Variants in IL1RAPL1 observed in about 807,000 individuals in gnomAD.
IL1RAPL1 encodes the protein interleukin-1 receptor accessory protein-like 1.
In IL1RAPL1, 3 loss-of-function variants were observed where a neutral mutation model predicts 48.4. The ratio of observed to expected loss-of-function variants is 0.06; its 90% CI spans 0.03 to 0.16. IL1RAPL1 has a LOEUF of 0.16. Among genes scored for constraint, IL1RAPL1 ranks in the 10% least tolerant of loss-of-function variants. The pLI, the probability that IL1RAPL1 is intolerant of heterozygous loss-of-function variation, is 1.00. For missense variants in IL1RAPL1, 349 were observed against 530.6 expected, an observed-to-expected ratio of 0.66 and a Z score of 3.36; for synonymous variants, 185 against 187.7, an observed-to-expected ratio of 0.99 and a Z score of 0.12.
chrX:28,594,237 G>A (rs1933931300), intron 1 of IL1RAPL1, among the ~76,000 whole-genome samples: 1 of 111,257 alleles, frequency 9.0e-6, no homozygotes, highest in South Asian at 3.8e-4. Context: ...GGTGGTTTGT[G>A]GATCAAAGGA....
At chrX:29,371,283 C>T (rs1933541889) in intron 3 of IL1RAPL1, among the ~76,000 whole-genome samples, 2 of 109,132 alleles carry the variant, frequency 1.8e-5, no homozygotes, top group Admixed American at 2.0e-4. Context: ...AGGCACCTGA[C>T]ACTATGCCCG....
chrX:28,820,864 C>A (rs1936929715), intron 2 of IL1RAPL1, among the ~76,000 whole-genome samples: 1 of 110,923 alleles, frequency 9.0e-6, no homozygotes, highest in Admixed American at 9.6e-5. Context: ...TTTCTCTCAA[C>A]CCCCAAGGAA....
chrX:29,002,676 A>G (rs1166178515), intron 2 of IL1RAPL1, among the ~76,000 whole-genome samples: 7 of 111,849 alleles, frequency 6.3e-5, no homozygotes, highest in Admixed American at 9.5e-5. Flanking sequence ...AATTCTGCCA[A>G]TGGTAGGATA....
chrX:29,914,543 TA>T (rs1932782765), intron 6 of IL1RAPL1, among the ~76,000 whole-genome samples: 1 of 111,712 alleles, frequency 9.0e-6, no homozygotes, highest in Non-Finnish European at 1.9e-5. Context: ...TAAAAGACAG[TA>T]TAAATTATTA....
In IL1RAPL1 at chrX:28,853,481, G is replaced by GCA. The variant is rs1569186201; in HGVS notation, c.82+64056_82+64057insCA. Among the ~76,000 whole-genome samples, 5 of 32,774 alleles carry GCA rather than the reference G, an allele frequency of 1.5e-4. No individual in the cohort carries two copies. In the African/African-American group the frequency reaches 2.0e-3, roughly 13 times the overall value. The allele number at this position is 32,774 out of a possible 115,157, so 28.5% of individuals were successfully genotyped here. ...CCCCATTGCAATCCCCTCAGTGCAT[G>GCA]TGTGTGCGCGCGCACACACACACAC... On this transcript the variant is annotated intron_variant, in intron 2 of 10. Transcript: ENST00000378993.
At chrX:28,806,148 A>G (rs1363145189) in intron 2 of IL1RAPL1, among the ~76,000 whole-genome samples, 1 of 112,094 alleles carries the variant, frequency 8.9e-6, no homozygotes, top group Non-Finnish European at 1.9e-5. Context: ...TTTAACTTAC[A>G]TGAAATGAAT....
intron 6 of IL1RAPL1, among the ~76,000 whole-genome samples, chrX:29,790,118 A>G: frequency 9.0e-6 from 1 of 110,970 alleles, no homozygotes; most frequent in Admixed American, 9.6e-5. Flanking sequence ...ATGACCATTT[A>G]CTCGGTGCCT....
chrX:29,850,874 C>T (rs1043492506), intron 6 of IL1RAPL1, among the ~76,000 whole-genome samples: 2 of 112,127 alleles, frequency 1.8e-5, no homozygotes, highest in Non-Finnish European at 3.8e-5. Flanking sequence ...GAACTTCGAG[C>T]CTTCCAAATT....
chrX:28,634,457 ATGTGTATATATGTATATATG>A (rs986938224), intron 1 of IL1RAPL1, among the ~76,000 whole-genome samples: 5 of 109,068 alleles, frequency 4.6e-5, no homozygotes, highest in East Asian at 2.8e-4. Flanking sequence ...ATATGTATAT[ATGTGTATATATGTATATATG>A]TGTGTATATA....
chrX:29,878,385 C>A (rs1013774384), intron 6 of IL1RAPL1, among the ~76,000 whole-genome samples: 1 of 112,112 alleles, frequency 8.9e-6, no homozygotes, highest in African/African-American at 3.2e-5. Flanking sequence ...CAATTCTCCC[C>A]CTTTGGGTTT....
At chrX:29,230,504 CAAAAAAAA>C (rs60539139) in intron 2 of IL1RAPL1, among the ~76,000 whole-genome samples, 9 of 16,594 alleles carry the variant, frequency 5.4e-4, no homozygotes, top group South Asian at 9.5e-3. Context: ...GTCCCTTTAC[CAAAAAAAA>C]AAAAAAAAAA....
chrX:29,009,897 T>A (rs1290446710), intron 2 of IL1RAPL1, among the ~76,000 whole-genome samples: 1 of 112,082 alleles, frequency 8.9e-6, no homozygotes, highest in African/African-American at 3.2e-5. Context: ...GTATGGGATG[T>A]TTTTCCATTT....
chrX:29,941,673 T>C lies in IL1RAPL1; in HGVS notation c.1080T>C (p.Leu360=). The change falls in exon 9 of 11, where the codon CTT becomes CTC. Residue 360 remains leucine (L), a synonymous_variant. Transcript: ENST00000378993. ...TAGAGCTAATGTACACAGTGGAACT[T>C]GCTGGAGGCCTTGGTGCTATACTCT... The part of the protein sequence containing the change: ...HKRELMYTVE[L]AGGLGAILLL... 1 of 1,210,977 alleles carries C rather than the reference T, an allele frequency of 8.3e-7. No individual in the cohort carries two copies. The highest frequency in any genetic ancestry group is 1.1e-6 in the Non-Finnish European group (1 of 894,664).
At chrX:29,539,087 CAAGG>C (rs991520856) in intron 5 of IL1RAPL1, among the ~76,000 whole-genome samples, 47 of 111,350 alleles carry the variant, frequency 4.2e-4, no homozygotes, top group African/African-American at 1.5e-3. Flanking sequence ...CAAAACCTGG[CAAGG>C]ACACAATGAA....
intron 5 of IL1RAPL1, among the ~76,000 whole-genome samples, chrX:29,406,376 G>A (rs182498754): frequency 6.7e-4 from 65 of 96,917 alleles, no homozygotes; most frequent in African/African-American, 1.7e-3. Flanking sequence ...GCGACAGAGC[G>A]AGACTCTGTC....
At chrX:29,926,176 G>A (rs1382590332) in intron 8 of IL1RAPL1, among the ~76,000 whole-genome samples, 2 of 112,125 alleles carry the variant, frequency 1.8e-5, no homozygotes, top group African/African-American at 6.5e-5. Context: ...AGTATGTCAT[G>A]TAACATTGTT....
chrX:29,566,109 C>T (rs760023670), intron 5 of IL1RAPL1, among the ~76,000 whole-genome samples: 29 of 111,234 alleles, frequency 2.6e-4, no homozygotes, highest in Non-Finnish European at 4.2e-4. Context: ...CCACCACACC[C>T]GGCTAATTTT....
intron 1 of IL1RAPL1, among the ~76,000 whole-genome samples, chrX:28,723,492 T>C (rs1183001186): frequency 1.8e-4 from 20 of 111,724 alleles, no homozygotes; most frequent in Non-Finnish European, 3.4e-4. Flanking sequence ...CTTTTCTTCT[T>C]TGTTAGTCTT....
intron 2 of IL1RAPL1, among the ~76,000 whole-genome samples, chrX:29,272,524 T>A (rs1932057146): frequency 8.9e-6 from 1 of 111,755 alleles, no homozygotes; most frequent in South Asian, 3.8e-4. Flanking sequence ...AAAGGTCTAC[T>A]GTTAGCCTCA....
Sources: allele counts gnomAD v4.1 joint callset (sites outside exome capture counted in the v4.1 genomes callset), GRCh38; gene constraint gnomAD v4.1.1; transcripts MANE v1.5; gene names NCBI Gene and HGNC (gene_info 2026-07-23, HGNC 2026-07-21).